Variants in PDSS2 observed in about 807,000 individuals in gnomAD.
PDSS2 encodes all trans-polyprenyl-diphosphate synthase PDSS2.
A neutral mutation model predicts 44.5 loss-of-function variants in PDSS2; 31 were observed. The observed-to-expected ratio is 0.70, with a 90% CI of 0.52 to 0.94. The LOEUF (loss-of-function observed/expected upper bound fraction) is 0.94, where lower values mean the gene tolerates loss of function less well. Ranked by LOEUF, PDSS2 falls within the 40% of genes least tolerant of loss-of-function variation. PDSS2 has a pLI of 0.00. For synonymous variants in PDSS2, 157 were observed against 180.3 expected (o/e 0.87, Z 1.03); for missense variants, 452 against 482.2 (o/e 0.94, Z 0.59).
chr6:107,183,469 G>A (rs143702147), intron 7 of PDSS2, among the ~76,000 whole-genome samples: 20 of 152,052 alleles, frequency 1.3e-4, no homozygotes, highest in East Asian at 7.8e-4. Flanking sequence ...AGGTCGAAGC[G>A]GATGGATCAC....
At chr6:107,312,171 C>T (rs1223272593) in intron 2 of PDSS2, among the ~76,000 whole-genome samples, 1 of 152,168 alleles carries the variant, frequency 6.6e-6, no homozygotes. Flanking sequence ...ATAGTTATTC[C>T]TCACTTTCTC....
At chr6:107,382,084 C>T (rs1779470773) in intron 1 of PDSS2, among the ~76,000 whole-genome samples, 1 of 152,122 alleles carries the variant, frequency 6.6e-6, no homozygotes, top group Non-Finnish European at 1.5e-5. Flanking sequence ...TTATTTAATT[C>T]CCTTCACTGC....
chr6:107,350,918 A>G (rs1468280128), intron 1 of PDSS2, among the ~76,000 whole-genome samples: 1 of 152,224 alleles, frequency 6.6e-6, no homozygotes, highest in African/African-American at 2.4e-5. Flanking sequence ...GAAATAATAA[A>G]GGCCACAAAT....
At chr6:107,250,320 A>G (rs1424712852) in intron 3 of PDSS2, among the ~76,000 whole-genome samples, 1 of 152,208 alleles carries the variant, frequency 6.6e-6, no homozygotes, top group Non-Finnish European at 1.5e-5. Context: ...ATGTGTTTAT[A>G]TACACAAGAG....
At chr6:107,201,493 G>T (rs1046476130) in intron 6 of PDSS2, among the ~76,000 whole-genome samples, 2 of 150,496 alleles carry the variant, frequency 1.3e-5, no homozygotes, top group African/African-American at 2.4e-5. Flanking sequence ...ACTAAAGGCA[G>T]ACAGATTCCC....
intron 1 of PDSS2, among the ~76,000 whole-genome samples, chr6:107,428,907 T>C (rs1005231822): frequency 1.3e-5 from 2 of 152,218 alleles, no homozygotes; most frequent in Non-Finnish European, 2.9e-5. Flanking sequence ...GGAACACTTA[T>C]ACCTAAATTA....
intron 1 of PDSS2, among the ~76,000 whole-genome samples, chr6:107,444,952 A>T (rs572279405): frequency 4.1e-4 from 62 of 152,308 alleles, no homozygotes; most frequent in African/African-American, 1.4e-3. Flanking sequence ...AGGAGTATTT[A>T]AACAAAAATT....
intron 1 of PDSS2, among the ~76,000 whole-genome samples, chr6:107,352,707 G>T (rs1778470337): frequency 6.6e-6 from 1 of 152,156 alleles, no homozygotes; most frequent in Admixed American, 6.6e-5. Context: ...TCTTAACTCG[G>T]GTGATTTTAC....
intron 3 of PDSS2, among the ~76,000 whole-genome samples, chr6:107,261,820 C>T (rs1775239380): frequency 6.6e-6 from 1 of 150,808 alleles, no homozygotes; most frequent in South Asian, 2.1e-4. Flanking sequence ...CTCAGGTGAT[C>T]AACCTGCCTG....
rs562785020 is a variant in PDSS2, at chr6:107,339,384, T to C, written c.297-5052A>G. Among the ~76,000 whole-genome samples the C allele has an allele frequency of 6.6e-5, 10 of 152,334 alleles. No homozygotes were observed. The South Asian group carries it at 2.1e-3, about 32-fold the overall frequency. ...AAAGTTCTACAGAATTGGGTTTTCTTAGCTAATGAACAAAAACATCATTTG... is the reference window on the plus strand; with the variant it reads ...AAAGTTCTACAGAATTGGGTTTTCTCAGCTAATGAACAAAAACATCATTTG... On this transcript the variant is annotated intron_variant, in intron 1 of 7. Transcript: ENST00000369037.
intron 1 of PDSS2, among the ~76,000 whole-genome samples, chr6:107,401,125 T>C (rs1169240543): frequency 6.6e-6 from 1 of 152,106 alleles, no homozygotes; most frequent in Non-Finnish European, 1.5e-5. Flanking sequence ...GAGGTCAACA[T>C]GCAAAGCCCA....
At chr6:107,458,252 G>A (rs1271358345) in intron 1 of PDSS2, among the ~76,000 whole-genome samples, 14 of 151,190 alleles carry the variant, frequency 9.3e-5, no homozygotes, top group East Asian at 1.9e-4. Flanking sequence ...TTGGGAGGCC[G>A]AGGCGGGTGG....
intron 6 of PDSS2, among the ~76,000 whole-genome samples, chr6:107,194,507 T>C (rs1449878993): frequency 6.6e-6 from 1 of 152,256 alleles, no homozygotes; most frequent in Non-Finnish European, 1.5e-5. Context: ...ATTTAACTTG[T>C]TTCTGTTTTG....
intron 3 of PDSS2, among the ~76,000 whole-genome samples, chr6:107,266,229 A>C (rs1422768679): frequency 6.6e-6 from 1 of 152,194 alleles, no homozygotes; most frequent in Non-Finnish European, 1.5e-5. Flanking sequence ...AACTTTAGTA[A>C]TTCACAATCT....
intron 1 of PDSS2, among the ~76,000 whole-genome samples, chr6:107,429,515 T>C (rs1000835296): frequency 6.6e-6 from 1 of 152,084 alleles, no homozygotes; most frequent in African/African-American, 2.4e-5. Context: ...CCTCGAACTA[T>C]TGAGACATCT....
At chr6:107,442,441 A>T (rs1387049052) in intron 1 of PDSS2, among the ~76,000 whole-genome samples, 1 of 152,126 alleles carries the variant, frequency 6.6e-6, no homozygotes, top group Non-Finnish European at 1.5e-5. Context: ...AAAACAAAAA[A>T]CAAAAAACAA....
chr6:107,440,340 C>A (rs1239225192), intron 1 of PDSS2, among the ~76,000 whole-genome samples: 1 of 152,202 alleles, frequency 6.6e-6, no homozygotes, highest in Non-Finnish European at 1.5e-5. Context: ...CACTTCCCAA[C>A]AAAAGTGAGG....
At chr6:107,297,440 T>C (rs1246893479) in intron 2 of PDSS2, among the ~76,000 whole-genome samples, 3 of 151,128 alleles carry the variant, frequency 2.0e-5, no homozygotes, top group Non-Finnish European at 4.4e-5. Flanking sequence ...TGGAGTGCAG[T>C]GGTGCGATCT....
At chr6:107,207,985 T>TTG (rs1773052015) in intron 6 of PDSS2, among the ~76,000 whole-genome samples, 1 of 144,320 alleles carries the variant, frequency 6.9e-6, no homozygotes, top group African/African-American at 2.5e-5. Flanking sequence ...CTTGTTTTTT[T>TTG]TTTTTTTTTT....
Sources: gnomAD v4.1 joint callset for allele counts (sites outside exome capture counted in the v4.1 genomes callset) on GRCh38, gnomAD v4.1.1 for gene constraint, MANE v1.5 for transcripts, NCBI Gene and HGNC (gene_info 2026-07-23, HGNC 2026-07-21) for gene names.